Variants in TJP1 observed in about 807,000 individuals in gnomAD.
The protein encoded by TJP1 is tight junction protein 1, also known as tight junction protein ZO-1.
In TJP1, 43 loss-of-function variants were observed where a neutral mutation model predicts 194.2. The observed-to-expected ratio is 0.22, with a 90% CI of 0.17 to 0.29. The LOEUF is 0.29. Ranked by LOEUF, TJP1 falls within the 10% of genes least tolerant of loss-of-function variation. The pLI, the probability that TJP1 is intolerant of heterozygous loss-of-function variation, is 1.00. For synonymous variants in TJP1, 801 were observed against 779.0 expected, an observed-to-expected ratio of 1.03 and a Z score of -0.47; for missense variants, 1,971 against 2,185.7, an observed-to-expected ratio of 0.90 and a Z score of 1.96.
At chr15:29,959,788 CT>C in intron 1 of TJP1, among the ~76,000 whole-genome samples, 1 of 152,268 alleles carries the variant, frequency 6.6e-6, no homozygotes, top group Admixed American at 6.5e-5. Flanking sequence ...AATTAATTTT[CT>C]TCTTTCATTG....
At chr15:29,892,188 C>G (rs1415063998) in intron 2 of TJP1, among the ~76,000 whole-genome samples, 1 of 151,310 alleles carries the variant, frequency 6.6e-6, no homozygotes, top group African/African-American at 2.4e-5. Context: ...CCACAACATT[C>G]CCTTAAATCA....
At chr15:29,872,141 T>G (rs1259101727) in intron 2 of TJP1, among the ~76,000 whole-genome samples, 1 of 152,228 alleles carries the variant, frequency 6.6e-6, no homozygotes, top group Non-Finnish European at 1.5e-5. Flanking sequence ...GGAAGACTCC[T>G]TGATACCATT....
intron 2 of TJP1, among the ~76,000 whole-genome samples, chr15:29,784,718 A>C (rs1415479595): frequency 3.3e-5 from 5 of 152,206 alleles, no homozygotes; most frequent in African/African-American, 1.2e-4. Flanking sequence ...AAGGAATCTA[A>C]TAATATTCTG....
intron 2 of TJP1, among the ~76,000 whole-genome samples, chr15:29,944,527 C>T (rs1319926475): frequency 6.6e-6 from 1 of 152,186 alleles, no homozygotes; most frequent in Admixed American, 6.5e-5. Flanking sequence ...ATTGGAATTA[C>T]ACCAACACTG....
At chr15:29,879,710 TTTTTTTC>T (rs61001486) in intron 2 of TJP1, among the ~76,000 whole-genome samples, 35,685 of 151,094 alleles carry the variant, frequency 0.24, 4,747 homozygotes, top group African/African-American at 0.35. Context: ...TAGACTCTCT[TTTTTTTC>T]TTTTTTCTTT....
chr15:29,943,159 AAG>A (rs1319599456), intron 2 of TJP1, among the ~76,000 whole-genome samples: 1 of 152,188 alleles, frequency 6.6e-6, no homozygotes, highest in Non-Finnish European at 1.5e-5. Flanking sequence ...TTATATGTGT[AAG>A]AGAGAGAGCG....
chr15:29,732,857 T>TG, intron 13 of TJP1, 42 bp from the exon 14 acceptor site: 1 of 1,526,648 alleles, frequency 6.6e-7, no homozygotes, highest in South Asian at 1.3e-5. Flanking sequence ...GCATTTAAAA[T>TG]GCAAAATGGA....
chr15:29,866,191 G>A (rs181468668), intron 2 of TJP1, among the ~76,000 whole-genome samples: 4 of 152,058 alleles, frequency 2.6e-5, no homozygotes, highest in Non-Finnish European at 4.4e-5. Flanking sequence ...TGAAATTTGC[G>A]TTTATGTCTG....
intron 8 of TJP1, among the ~76,000 whole-genome samples, chr15:29,754,035 C>A (rs992282688): frequency 7.2e-5 from 11 of 152,102 alleles, no homozygotes; most frequent in African/African-American, 2.2e-4. Flanking sequence ...AGGGTATATA[C>A]CCAAGGAATA....
At chr15:29,883,782 G>T (rs1356691620) in intron 2 of TJP1, among the ~76,000 whole-genome samples, 2 of 152,058 alleles carry the variant, frequency 1.3e-5, no homozygotes, top group African/African-American at 4.8e-5. Flanking sequence ...TTCAACAAAT[G>T]ATTATATTTT....
chr15:29,705,430 A>G, intron 26 of TJP1, 98 bp downstream of exon 26: 1 of 1,236,906 alleles, frequency 8.1e-7, no homozygotes, highest in Non-Finnish European at 1.1e-6. Flanking sequence ...CTGGAGATAG[A>G]GAGGTGCTGC....
intron 2 of TJP1, among the ~76,000 whole-genome samples, chr15:29,791,712 T>C (rs2048107090): frequency 6.6e-6 from 1 of 152,244 alleles, no homozygotes; most frequent in East Asian, 1.9e-4. Flanking sequence ...TTCTTCATAG[T>C]GACTGTACTG....
intron 2 of TJP1, among the ~76,000 whole-genome samples, chr15:29,949,227 CCACCACTACCTCCACCTT>C (rs1283040241): frequency 3.8e-4 from 41 of 108,580 alleles, no homozygotes; most frequent in African/African-American, 1.8e-3. Context: ...TCCACTTTCA[CCACCACTACCTCCACCTT>C]CACCACCACC....
chr15:29,843,919 G>A (rs764870104), intron 2 of TJP1, among the ~76,000 whole-genome samples: 6 of 152,200 alleles, frequency 3.9e-5, no homozygotes, highest in Admixed American at 6.5e-5. Flanking sequence ...CACAAGGTGG[G>A]AGAGGCCTTG....
At chr15:29,964,683 A>G (rs1479125381) in intron 1 of TJP1, among the ~76,000 whole-genome samples, 1 of 152,186 alleles carries the variant, frequency 6.6e-6, no homozygotes. Context: ...ACAAAGCCCC[A>G]CTGCTTCTTT....
chr15:29,741,457 T>G (rs751932611), intron 9 of TJP1, 21 bp from the exon 10 acceptor site: 2 of 1,516,556 alleles, frequency 1.3e-6, no homozygotes, highest in Non-Finnish European at 1.8e-6. Flanking sequence ...AAAAATTGAG[T>G]AGGACTCACT....
intron 2 of TJP1, among the ~76,000 whole-genome samples, chr15:29,790,311 G>C (rs900448065): frequency 2.6e-5 from 4 of 152,212 alleles, no homozygotes; most frequent in Non-Finnish European, 5.9e-5. Context: ...TAGCCTCAGA[G>C]AATGAAGTCA....
intron 5 of TJP1, among the ~76,000 whole-genome samples, chr15:29,763,822 CAA>C (rs1336938732): frequency 1.3e-5 from 2 of 148,340 alleles, no homozygotes; most frequent in African/African-American, 5.0e-5. Context: ...GACAAATATA[CAA>C]AGAGTACTCA....
rs1451892130 is a variant in TJP1 at position 29,832,623 on chromosome 15, G to C, written c.307-31921C>G. ...TCTGAATGGGAATTCCATGTCACTA[G>C]AAAATGGTATATATGGAAACTGTCT... On this transcript the variant is annotated intron_variant, in intron 2 of 28. Coordinates refer to the TJP1 transcript ENST00000356107. Among the ~76,000 whole-genome samples the C allele has an allele frequency of 2.0e-5, 3 of 152,188 alleles. No homozygotes were observed. In the South Asian group the frequency reaches 6.2e-4, roughly 32 times the overall value.
Sources: allele counts gnomAD v4.1 joint callset (sites outside exome capture counted in the v4.1 genomes callset), GRCh38; gene constraint gnomAD v4.1.1; transcripts MANE v1.5; gene names NCBI Gene and HGNC (gene_info 2026-07-23, HGNC 2026-07-21).